Variants in MROH2A observed in about 807,000 individuals in gnomAD.
MROH2A encodes the protein maestro heat like repeat family member 2A.
A neutral mutation model predicts 200.4 loss-of-function variants in MROH2A; 174 were observed. The ratio of observed to expected loss-of-function variants is 0.87; its 90% CI spans 0.77 to 0.98. The LOEUF (loss-of-function observed/expected upper bound fraction) is 0.98. MROH2A is among the 50% of genes least tolerant of loss of function. MROH2A has a pLI of 0.00. For synonymous variants in MROH2A, 829 were observed against 840.4 expected, an observed-to-expected ratio of 0.99 and a Z score of 0.23; for missense variants, 2,045 against 2,139.6, an observed-to-expected ratio of 0.96 and a Z score of 0.87.
intron 7 of MROH2A, among the ~76,000 whole-genome samples, 156 bp downstream of exon 7, chr2:233,793,980 G>A (rs1171116416): frequency 3.9e-5 from 6 of 152,120 alleles, no homozygotes; most frequent in Non-Finnish European, 7.4e-5. Context: ...GGGAACTCAT[G>A]GATGCTGAAC....
intron 25 of MROH2A, among the ~76,000 whole-genome samples, chr2:233,814,099 A>G (rs1703351812): frequency 6.6e-6 from 1 of 152,216 alleles, no homozygotes; most frequent in African/African-American, 2.4e-5. Context: ...TCCTCAGTGC[A>G]TGAATCCCAA....
chr2:233,782,304 ATAATAT>A (rs1382644846), intron 3 of MROH2A, among the ~76,000 whole-genome samples: 1 of 152,200 alleles, frequency 6.6e-6, no homozygotes, highest in Non-Finnish European at 1.5e-5. Context: ...TAGTATTTTG[ATAATAT>A]TAATTTTTCT....
At chr2:233,829,475 C>T (rs551915380) in intron 37 of MROH2A, 145 bp from the exon 38 acceptor site, 1 of 783,328 alleles carries the variant, frequency 1.3e-6, no homozygotes, top group East Asian at 3.3e-5. Context: ...CTACGTGATC[C>T]CTGCCAAAGG....
rs1297209032 is a variant in MROH2A at position 233,804,163 on chromosome 2, A to T, written c.1862A>T (p.Glu621Val). 6.4e-7 allele frequency: 1 copy of T among 1,550,388 alleles called. No individual in the cohort carries two copies. The highest frequency in any genetic ancestry group is 2.0e-5 in the Admixed American group (1 of 50,980). The change falls in exon 17 of 42, where the codon GAG becomes GTG. Residue 621 changes from glutamate to valine, a missense_variant. This residue lies in a region of MROH2A where 13 missense variants were observed against 28.3 expected (regional missense o/e 0.46). Transcript: ENST00000389758. Reference protein sequence around the residue: ...APSMADMWELEIALLVRYLEE... With the variant: ...APSMADMWELVIALLVRYLEE... ...TCCATGGCCGACATGTGGGAGCTGG[A>T]GATTGCGCTACTGGTCCGGTACCTG...
At chr2:233,822,591 C>T (rs1358539267) in intron 33 of MROH2A, 35 bp downstream of exon 33, 15 of 1,536,514 alleles carry the variant, frequency 9.8e-6, no homozygotes, top group African/African-American at 5.5e-5. Flanking sequence ...AGGCAGCAGG[C>T]CTGGGCTGGC....
At chr2:233,802,755 T>C (rs1287119523) in intron 15 of MROH2A, among the ~76,000 whole-genome samples, 1 of 152,208 alleles carries the variant, frequency 6.6e-6, no homozygotes, top group East Asian at 1.9e-4. Flanking sequence ...AAAACAACTA[T>C]GCCCACCTAC....
At chr2:233,792,132 C>T (rs574209982) in intron 5 of MROH2A, among the ~76,000 whole-genome samples, 4 of 152,132 alleles carry the variant, frequency 2.6e-5, no homozygotes, top group East Asian at 1.9e-4. Context: ...GGCCTGTGTC[C>T]GGGAGGATGG....
Position 233,820,479 on chromosome 2 carries a change from C to T in MROH2A, c.3512+423C>T, listed in dbSNP as rs1165285906. On this transcript the variant is annotated intron_variant, in intron 31 of 41. Transcript: ENST00000389758. The surrounding 1 kb of genome is among the most constrained non-coding windows in gnomAD (Gnocchi z 4.1). ...TCCTAAGAGGGGAAGCGACTTGTCC[C>T]AGTCTCCAAGGGGAGAATGGCCCAA... Among the ~76,000 whole-genome samples, 3 of 152,170 alleles carry T rather than the reference C, an allele frequency of 2.0e-5. No individual in the cohort carries two copies. The highest frequency in any genetic ancestry group is 3.9e-4 in the East Asian group (2 of 5,180).
chr2:233,807,764 G>A lies in MROH2A; in HGVS notation c.2204G>A (p.Arg735Gln), dbSNP rs760075809. Residue 735 changes from arginine (R) to glutamine (Q), a missense_variant, in exon 21 of 42, where the codon CGG (arginine) becomes CAG (glutamine). Around this residue, in one of 3 missense-constraint regions of MROH2A, gnomAD observed 1,201 missense variants for 1,311.3 expected, o/e 0.92. Coordinates refer to ENST00000389758, the MANE Select transcript of MROH2A (RefSeq NM_001394639.1). This position sits in a 1 kb window ranked among gnomAD's most constrained non-coding sequence, Gnocchi z 4.3. ...ATTATGTGCTTTGGCCTGTGTGCCCGGGGCCAGGTAAAAACGGTGCTGAAT... is the reference window on the plus strand; with the variant it reads ...ATTATGTGCTTTGGCCTGTGTGCCCAGGGCCAGGTAAAAACGGTGCTGAAT... Reference protein sequence around the residue: ...GVIMCFGLCARGQVKTVLNVL... With the variant: ...GVIMCFGLCAQGQVKTVLNVL... 9.7e-6 allele frequency: 15 copies of A among 1,550,594 alleles called. No individual in the cohort carries two copies. The highest frequency in any genetic ancestry group is 1.7e-4 in the Middle Eastern group (1 of 6,014).
At chr2:233,822,834 T>A (rs1027461052) in intron 33 of MROH2A, 47 bp from the exon 34 acceptor site, 1 of 1,543,466 alleles carries the variant, frequency 6.5e-7, no homozygotes, top group South Asian at 1.2e-5. Context: ...CCCCAGGCCA[T>A]GCGCTCCCAG....
In MROH2A at chr2:233,792,898, A is replaced by C; in HGVS notation, c.670+4A>C. 6.4e-7 allele frequency: 1 copy of C among 1,550,414 alleles called. No individual in the cohort carries two copies. The highest frequency in any genetic ancestry group is 8.7e-7 in the Non-Finnish European group (1 of 1,146,980). ...ATACGCCAGGCGATCTGCAGTGGTGAGTGTCCCACTTGAGCCTGCAGGTCT... is the reference window on the plus strand; with the variant it reads ...ATACGCCAGGCGATCTGCAGTGGTGCGTGTCCCACTTGAGCCTGCAGGTCT... On this transcript the variant is annotated splice_donor_region_variant and intron_variant, in intron 6 of 41. Transcript: ENST00000389758.
chr2:233,780,628 A>C (rs948095659), intron 3 of MROH2A, among the ~76,000 whole-genome samples: 3 of 152,224 alleles, frequency 2.0e-5, no homozygotes, highest in African/African-American at 7.2e-5. Context: ...GTACATATTT[A>C]TAGAATACAA....
chr2:233,815,640 G>C (rs184368411), intron 26 of MROH2A, among the ~76,000 whole-genome samples: 365 of 152,252 alleles, frequency 2.4e-3, no homozygotes, highest in Non-Finnish European at 3.6e-3. Context: ...ACCCTTTGTT[G>C]AAAAGACTGC....
At chr2:233,800,561 A>G (rs1298837063) in intron 14 of MROH2A, among the ~76,000 whole-genome samples, 4 of 152,174 alleles carry the variant, frequency 2.6e-5, no homozygotes, top group Non-Finnish European at 5.9e-5. Context: ...CATGGCTGGC[A>G]GTATCAGTCT....
At chr2:233,778,044 C>A (rs1449466647), upstream of MROH2A, among the ~76,000 whole-genome samples, 1 of 152,222 alleles carries the variant, frequency 6.6e-6, no homozygotes, top group Non-Finnish European at 1.5e-5. Context: ...CACACCTCCC[C>A]ACCCAGGGCT....
Position 233,804,986 on chromosome 2 carries a change from C to CG in MROH2A, c.1945-17dup. 6.6e-7 allele frequency: 1 copy of CG among 1,509,320 alleles called. No homozygotes were observed. The highest frequency in any genetic ancestry group is 9.0e-7 in the Non-Finnish European group (1 of 1,110,706). 93.5% of individuals were successfully genotyped at this position (1,509,320 alleles called of 1,614,324 possible). On this transcript the variant is annotated splice_polypyrimidine_tract_variant and intron_variant, in intron 18 of 41. Coordinates refer to ENST00000389758, the MANE Select transcript of MROH2A (RefSeq NM_001394639.1). ...GAAGGCCTTTGGCCCTTCTCACCAA[C>CG]GTCTTGTGCCTCCCCAGTTTCTGCG...
rs1702873320 is a variant in MROH2A, at chr2:233,807,452, C to T, written c.2082C>T (p.Thr694=). 6.4e-7 allele frequency: 1 copy of T among 1,550,604 alleles called. No individual in the cohort carries two copies. The highest frequency in any genetic ancestry group is 8.7e-7 in the Non-Finnish European group (1 of 1,147,004). The change falls in exon 20 of 42, where the codon ACC becomes ACT. Residue 694 remains threonine, a synonymous_variant. Transcript: ENST00000389758. The surrounding 1 kb of genome is among the most constrained non-coding windows in gnomAD (Gnocchi z 4.3). ...TTCTGTACCGGGCCTTGGGCTTCAC[C>T]TTGGCCACAGGCCTGGAGGCCAGCA... ...KGFLYRALGF[T]LATGLEASKV...
chr2:233,810,422 T>A (rs1468069363), intron 22 of MROH2A, among the ~76,000 whole-genome samples: 2 of 152,224 alleles, frequency 1.3e-5, no homozygotes, highest in Non-Finnish European at 2.9e-5. Flanking sequence ...TTCACTGTCA[T>A]GAGAATAGCA....
intron 5 of MROH2A, among the ~76,000 whole-genome samples, chr2:233,792,339 G>GTC (rs1701823698): frequency 1.4e-5 from 2 of 147,686 alleles, no homozygotes; most frequent in African/African-American, 2.5e-5. Context: ...TTGAGATGGA[G>GTC]TCATGCTCTG....
Sources: gnomAD v4.1 joint callset for allele counts (sites outside exome capture counted in the v4.1 genomes callset) on GRCh38, gnomAD v4.1.1 for gene constraint, gnomAD v4.1.1 regional missense constraint, Gnocchi (gnomAD v3.1) non-coding constraint, MANE v1.5 for transcripts, NCBI Gene and HGNC (gene_info 2026-07-23, HGNC 2026-07-21) for gene names.